The following KIAA0825 variants were observed in gnomAD, a reference collection of about 807,000 sequenced individuals.
KIAA0825 encodes the protein uncharacterized protein KIAA0825.
KIAA0825 carries 119 observed loss-of-function variants against 147.6 expected under a neutral mutation model. That is an observed-to-expected ratio of 0.81 (90% confidence interval 0.69 to 0.94). KIAA0825 has a LOEUF of 0.94. KIAA0825 is among the 40% of genes least tolerant of loss of function. KIAA0825 has a pLI of 0.00. For missense variants in KIAA0825, 1,381 were observed against 1,472.7 expected (o/e 0.94, Z 1.02); for synonymous variants, 470 against 518.1 (o/e 0.91, Z 1.26).
intron 20 of KIAA0825, among the ~76,000 whole-genome samples, chr5:94,247,614 G>C (rs1312607360): frequency 6.6e-6 from 1 of 152,044 alleles, no homozygotes; most frequent in Admixed American, 6.6e-5. Context: ...TATCCAGCAC[G>C]TATTTTGCTG....
At chr5:94,276,429 A>C (rs1777224013) in intron 20 of KIAA0825, among the ~76,000 whole-genome samples, 1 of 152,104 alleles carries the variant, frequency 6.6e-6, no homozygotes, top group South Asian at 2.1e-4. Flanking sequence ...TAGAATATGG[A>C]AAAGACCACA....
Position 94,238,065 on chromosome 5 carries a change from A to C in KIAA0825, c.3711-83941T>G, listed in dbSNP as rs1371605102. Among the ~76,000 whole-genome samples the C allele has an allele frequency of 2.0e-5, 3 of 152,206 alleles. No individual in the cohort carries two copies. In the East Asian group the frequency reaches 5.8e-4, roughly 29 times the overall value. ...TCTCAGAAGAAAAAAAGAACTGTAAATTAATTTTGCACTCTAGTTAATGAT... is the reference window on the plus strand; with the variant it reads ...TCTCAGAAGAAAAAAAGAACTGTAACTTAATTTTGCACTCTAGTTAATGAT... On this transcript the variant is annotated intron_variant, in intron 20 of 20. Transcript: ENST00000682413.
At chr5:94,277,726 A>G (rs533448914) in intron 20 of KIAA0825, among the ~76,000 whole-genome samples, 5 of 152,322 alleles carry the variant, frequency 3.3e-5, no homozygotes, top group African/African-American at 1.2e-4. Context: ...AGGATCTAGA[A>G]CCAGAAATAC....
At chr5:94,614,934 G>A (rs934708500) in intron 1 of KIAA0825, among the ~76,000 whole-genome samples, 7 of 152,040 alleles carry the variant, frequency 4.6e-5, no homozygotes, top group African/African-American at 1.4e-4. Context: ...ATCAGCAATT[G>A]TGTATCAGAC....
At position 94,539,693 on chromosome 5, in the gene KIAA0825, C is replaced by T. The variant is rs1772886741; in HGVS notation, c.-1-2566G>A. ...TCAACTTAGGGGAGTCAGAGTCTCT[C>T]CTAAGACACTGGGTTAGAGTTCCCT... On this transcript the variant is annotated intron_variant, in intron 2 of 20. Transcript: ENST00000682413. Among the ~76,000 whole-genome samples the T allele has an allele frequency of 2.0e-5, 3 of 152,030 alleles. No homozygotes were observed. The South Asian group carries it at 6.2e-4, about 32-fold the overall frequency.
At chr5:94,365,072 T>C (rs1335286580) in intron 20 of KIAA0825, among the ~76,000 whole-genome samples, 1 of 152,138 alleles carries the variant, frequency 6.6e-6, no homozygotes, top group Non-Finnish European at 1.5e-5. Context: ...TGGGCGGCTA[T>C]GTAAACGTCA....
intron 20 of KIAA0825, among the ~76,000 whole-genome samples, chr5:94,200,946 CATATATATATATATATAT>C (rs34842887): frequency 6.3e-4 from 65 of 103,896 alleles, no homozygotes; most frequent in South Asian, 1.5e-3. Flanking sequence ...AGAATTTAAA[CATATATATATATATATAT>C]ATATATATAT....
At chr5:94,207,959 G>A (rs1772359766) in intron 20 of KIAA0825, among the ~76,000 whole-genome samples, 1 of 152,054 alleles carries the variant, frequency 6.6e-6, no homozygotes, top group Non-Finnish European at 1.5e-5. Flanking sequence ...ATCATACAGA[G>A]CTATCAAATA....
intron 20 of KIAA0825, among the ~76,000 whole-genome samples, chr5:94,245,597 G>C (rs975517187): frequency 1.3e-5 from 2 of 152,246 alleles, no homozygotes; most frequent in South Asian, 4.1e-4. Flanking sequence ...TGACAAGTCT[G>C]TTCCTAGCTA....
intron 5 of KIAA0825, among the ~76,000 whole-genome samples, chr5:94,512,163 A>G (rs940246535): frequency 1.3e-5 from 2 of 152,182 alleles, no homozygotes; most frequent in African/African-American, 4.8e-5. Flanking sequence ...AGGAACAGAC[A>G]TTAAAATTCT....
chr5:94,196,535 G>T (rs569646571), intron 20 of KIAA0825, among the ~76,000 whole-genome samples: 1 of 151,944 alleles, frequency 6.6e-6, no homozygotes, highest in South Asian at 2.1e-4. Context: ...AGAATGTCAT[G>T]GGGGTTTGAT....
intron 1 of KIAA0825, among the ~76,000 whole-genome samples, chr5:94,608,171 T>C (rs916145066): frequency 3.3e-5 from 5 of 151,800 alleles, no homozygotes; most frequent in African/African-American, 1.2e-4. Context: ...GTACTCATTG[T>C]ATTTTTTTCA....
intron 20 of KIAA0825, among the ~76,000 whole-genome samples, chr5:94,363,640 C>T (rs939006489): frequency 2.6e-5 from 4 of 152,082 alleles, no homozygotes; most frequent in Admixed American, 2.0e-4. Context: ...AATCCCAGTG[C>T]TTAGGGAGGC....
intron 20 of KIAA0825, among the ~76,000 whole-genome samples, chr5:94,337,849 T>G (rs923938172): frequency 2.6e-5 from 4 of 152,240 alleles, no homozygotes; most frequent in African/African-American, 9.6e-5. Flanking sequence ...GATTTCATTC[T>G]AAGTGCTTTT....
chr5:94,208,097 T>C (rs1772372507), intron 20 of KIAA0825, among the ~76,000 whole-genome samples: 1 of 152,204 alleles, frequency 6.6e-6, no homozygotes, highest in African/African-American at 2.4e-5. Context: ...TTAATACACT[T>C]TACATATCTG....
chr5:94,537,627 G>A (rs573872258), intron 2 of KIAA0825, among the ~76,000 whole-genome samples: 2 of 136,628 alleles, frequency 1.5e-5, no homozygotes, highest in South Asian at 2.2e-4. Context: ...CAGCCTGGGC[G>A]ACAGAGCAAG....
intron 7 of KIAA0825, among the ~76,000 whole-genome samples, chr5:94,475,937 T>C (rs1405989547): frequency 6.6e-6 from 1 of 152,254 alleles, no homozygotes; most frequent in Admixed American, 6.5e-5. Context: ...TTTGGCATCA[T>C]ACATATTCCA....
chr5:94,430,453 C>A (rs1416003999), intron 14 of KIAA0825, among the ~76,000 whole-genome samples: 1 of 152,108 alleles, frequency 6.6e-6, no homozygotes, highest in Non-Finnish European at 1.5e-5. Context: ...CATTTAAAAA[C>A]AATAGACTTT....
chr5:94,590,586 T>C (rs759372462), intron 1 of KIAA0825, among the ~76,000 whole-genome samples: 9 of 152,250 alleles, frequency 5.9e-5, no homozygotes, highest in African/African-American at 1.7e-4. Context: ...AAATCACCTA[T>C]ACCCCATAGC....
Sources: allele counts gnomAD v4.1 joint callset (sites outside exome capture counted in the v4.1 genomes callset), GRCh38; gene constraint gnomAD v4.1.1; transcripts MANE v1.5; gene names NCBI Gene and HGNC (gene_info 2026-07-23, HGNC 2026-07-21).